Variants in CFAP47 observed in about 807,000 individuals in gnomAD.
The protein encoded by CFAP47 is cilia- and flagella-associated protein 47.
Under a neutral mutation model 148.1 loss-of-function variants are expected in CFAP47, and 29 were observed. That is an observed-to-expected ratio of 0.20 (90% CI 0.15 to 0.27). The LOEUF is 0.27. Ranked by LOEUF, CFAP47 falls within the 10% of genes least tolerant of loss-of-function variation. The pLI is 1.00. For synonymous variants in CFAP47, 664 were observed against 577.3 expected, an observed-to-expected ratio of 1.15 and a Z score of -2.15; for missense variants, 1,872 against 1,697.5, an observed-to-expected ratio of 1.10 and a Z score of -1.81.
chrX:36,196,176 C>A (rs1481941018), intron 42 of CFAP47, among the ~76,000 whole-genome samples: 1 of 110,925 alleles, frequency 9.0e-6, no homozygotes, highest in African/African-American at 3.3e-5. Context: ...ATAAATTGTT[C>A]TATAAAAATA....
intron 42 of CFAP47, among the ~76,000 whole-genome samples, chrX:36,198,902 A>T (rs1313315448): frequency 6.3e-5 from 7 of 111,735 alleles, no homozygotes; most frequent in African/African-American, 2.3e-4. Context: ...GGTTTACATC[A>T]TTTATCTAGA....
intron 26 of CFAP47, among the ~76,000 whole-genome samples, chrX:36,056,839 A>G (rs1339354337): frequency 1.8e-5 from 2 of 112,003 alleles, no homozygotes; most frequent in African/African-American, 6.5e-5. Flanking sequence ...TGTTTAGAGG[A>G]CTACACATTT....
chrX:36,379,957 A>G (rs1942063234), intron 63 of CFAP47, among the ~76,000 whole-genome samples: 1 of 111,196 alleles, frequency 9.0e-6, no homozygotes, highest in Non-Finnish European at 1.9e-5. Context: ...GGAATAATAT[A>G]TAACATTTAT....
rs183585472 is a variant in CFAP47 at position 36,204,097 on chromosome X, C to T, written c.6664-860C>T. ...TCCTTCGCCCACTTTTTGATGGGGT[C>T]GTTTGTTTTTTCTTGTAAATTTGTT... On this transcript the variant is annotated intron_variant, in intron 44 of 63. Transcript: ENST00000378653. 7.5e-3 allele frequency among the ~76,000 whole-genome samples: 834 copies of T among 110,651 alleles called. 5 individuals carry two copies. The highest frequency in any genetic ancestry group is 0.026 in the African/African-American group (790 of 30,414).
intron 40 of CFAP47, among the ~76,000 whole-genome samples, chrX:36,180,185 T>C (rs1033971735): frequency 1.8e-5 from 2 of 111,679 alleles, no homozygotes; most frequent in Non-Finnish European, 1.9e-5. Context: ...AAATTTATTC[T>C]ACCTACTTTA....
intron 57 of CFAP47, among the ~76,000 whole-genome samples, chrX:36,334,845 T>A (rs1189671599): frequency 9.1e-6 from 1 of 110,333 alleles, no homozygotes; most frequent in African/African-American, 3.3e-5. Context: ...TTTCTTTTGC[T>A]TGTGCCTTTT....
At chrX:36,055,370 A>G (rs1180292331) in intron 26 of CFAP47, among the ~76,000 whole-genome samples, 1 of 110,408 alleles carries the variant, frequency 9.1e-6, no homozygotes, top group Admixed American at 9.7e-5. Context: ...GCATGTGTCC[A>G]TGTGTTCCCA....
intron 56 of CFAP47, among the ~76,000 whole-genome samples, chrX:36,318,935 A>G (rs111246687): frequency 1.8e-5 from 2 of 111,677 alleles, no homozygotes; most frequent in African/African-American, 6.5e-5. Context: ...CAGACTCCCC[A>G]GTAGCTGGAA....
chrX:36,295,317 G>T (rs1232927557), intron 51 of CFAP47, among the ~76,000 whole-genome samples: 3 of 112,067 alleles, frequency 2.7e-5, no homozygotes, highest in Non-Finnish European at 5.6e-5. Flanking sequence ...TATGCCATTT[G>T]CAAAACAGAC....
intron 49 of CFAP47, among the ~76,000 whole-genome samples, chrX:36,261,344 T>TTTC: frequency 1.0e-5 from 1 of 95,618 alleles, no homozygotes; most frequent in South Asian, 5.3e-4. Flanking sequence ...TTTTTTTTTT[T>TTTC]CATTGATCAT....
chrX:36,230,887 T>C (rs1369498776), intron 46 of CFAP47, among the ~76,000 whole-genome samples: 2 of 106,711 alleles, frequency 1.9e-5, no homozygotes, highest in African/African-American at 7.2e-5. Context: ...CCATTGCTTG[T>C]TTTTCTCAGG....
intron 37 of CFAP47, among the ~76,000 whole-genome samples, chrX:36,153,477 T>C (rs1185467422): frequency 9.0e-6 from 1 of 111,346 alleles, no homozygotes; most frequent in Non-Finnish European, 1.9e-5. Flanking sequence ...TATGCCTGGG[T>C]CTTGTGGTTG....
chrX:36,332,925 G>A (rs782357191), intron 57 of CFAP47, among the ~76,000 whole-genome samples: 1 of 112,003 alleles, frequency 8.9e-6, no homozygotes, highest in African/African-American at 3.2e-5. Flanking sequence ...ATATACATAG[G>A]TTTAGGTAAT....
rs773303602 is a variant in CFAP47, at chrX:35,995,965, G to A, written c.3100-1347G>A. Among the ~76,000 whole-genome samples, 12 of 111,744 alleles carry A rather than the reference G, an allele frequency of 1.1e-4. No individual in the cohort carries two copies. In the East Asian group the frequency reaches 2.8e-3, roughly 26 times the overall value. ...TCCAGGAACTGTTCTCTCTGAAAAT[G>A]AGTGAGAACGCAAGGGAGAGAGGGA... On this transcript the variant is annotated intron_variant, in intron 18 of 63. Transcript: ENST00000378653.
rs777925355 is a variant in CFAP47 at position 35,986,015 on chromosome X, C to T, written c.2714-3304C>T. On this transcript the variant is annotated intron_variant, in intron 15 of 63. Transcript: ENST00000378653. ...GCTACAGAGCAATTAAGGAAATTGC[C>T]CATGGTCTCAGGTAGTAAGTGCCGG... 1.4e-3 allele frequency: 392 copies of T among 280,673 alleles called. 4 individuals carry two copies. Among genetic ancestry groups the T allele is most frequent in the Admixed American group, 0.012 (378 of 30,978 alleles). 23.1% of individuals were successfully genotyped at this position (280,673 alleles called of 1,213,427 possible).
intron 8 of CFAP47, among the ~76,000 whole-genome samples, chrX:35,964,054 C>T (rs768177867): frequency 1.4e-4 from 16 of 111,724 alleles, no homozygotes; most frequent in Non-Finnish European, 3.0e-4. Context: ...TTACATTTGC[C>T]TGTGCTCTTA....
intron 21 of CFAP47, among the ~76,000 whole-genome samples, chrX:36,005,663 A>G (rs1418451130): frequency 8.9e-6 from 1 of 112,091 alleles, no homozygotes; most frequent in African/African-American, 3.2e-5. Flanking sequence ...GTGTATGTGT[A>G]TGTTTGTGTG....
intron 49 of CFAP47, among the ~76,000 whole-genome samples, chrX:36,262,061 G>A (rs184870631): frequency 4.5e-5 from 5 of 112,099 alleles, no homozygotes; most frequent in South Asian, 3.7e-4. Context: ...TTGGCTTTGC[G>A]TTTCTTTTAA....
At chrX:36,124,346 G>A (rs1436108622) in intron 33 of CFAP47, among the ~76,000 whole-genome samples, 1 of 111,327 alleles carries the variant, frequency 9.0e-6, no homozygotes, top group Non-Finnish European at 1.9e-5. Flanking sequence ...GACTTGCCTG[G>A]GAGTTCCCGT....
Sources: gnomAD v4.1 joint callset for allele counts (sites outside exome capture counted in the v4.1 genomes callset) on GRCh38, gnomAD v4.1.1 for gene constraint, MANE v1.5 for transcripts, NCBI Gene and HGNC (gene_info 2026-07-23, HGNC 2026-07-21) for gene names.